Variants in CFAP107 observed in about 807,000 individuals in gnomAD.
CFAP107 encodes the protein cilia- and flagella-associated protein 107.
the CFAP107 span, among the ~76,000 whole-genome samples, chr1:12,758,143 A>G: frequency 1.3e-5 from 2 of 152,124 alleles, no homozygotes; most frequent in South Asian, 2.1e-4. Flanking sequence ...CCAGAGACCA[A>G]TGCTGGTTCT....
At chr1:12,747,730 G>T in the CFAP107 span, among the ~76,000 whole-genome samples, 1 of 152,188 alleles carries the variant, frequency 6.6e-6, no homozygotes, top group Non-Finnish European at 1.5e-5. Flanking sequence ...GCCTTGTTTG[G>T]TGAGCAGGTG....
the CFAP107 span, chr1:12,759,333 C>T: frequency 6.2e-7 from 1 of 1,614,078 alleles, no homozygotes; most frequent in African/African-American, 1.3e-5. Context: ...AACACCTGAT[C>T]ACCCACCACC....
chr1:12,759,480 C>T, the CFAP107 span: 1 of 1,614,102 alleles, frequency 6.2e-7, no homozygotes. Context: ...CTGACTTTCC[C>T]CTTCTTGGTA....
the CFAP107 span, among the ~76,000 whole-genome samples, chr1:12,757,676 G>A: frequency 6.6e-6 from 1 of 152,102 alleles, no homozygotes; most frequent in Non-Finnish European, 1.5e-5. Context: ...GTGAGCCACG[G>A]CACCTGGCCC....
At chr1:12,754,041 CA>C in the CFAP107 span, 2 of 152,014 alleles carry the variant, frequency 1.3e-5, no homozygotes, top group Admixed American at 6.6e-5. Flanking sequence ...GTCATCAAAA[CA>C]AAAAACTTTG....
chr1:12,748,217 G>T, the CFAP107 span, among the ~76,000 whole-genome samples: 6 of 151,950 alleles, frequency 3.9e-5, no homozygotes, highest in Admixed American at 6.6e-5. Context: ...TCTCTATTTC[G>T]TCTAACTTGG....
chr1:12,763,152 C>G, the CFAP107 span: 1 of 152,174 alleles, frequency 6.6e-6, no homozygotes, highest in Non-Finnish European at 1.5e-5. Context: ...TACCACTGCA[C>G]TCCAGCCTTG....
chr1:12,755,474 C>T, the CFAP107 span, among the ~76,000 whole-genome samples: 2 of 151,828 alleles, frequency 1.3e-5, no homozygotes, highest in Admixed American at 6.6e-5. Context: ...GACACAGGTG[C>T]GGATGATGAG....
At chr1:12,758,165 C>G in the CFAP107 span, among the ~76,000 whole-genome samples, 1 of 152,096 alleles carries the variant, frequency 6.6e-6, no homozygotes, top group Non-Finnish European at 1.5e-5. Context: ...CCTGATGTGG[C>G]CCTGCAGGGC....
At chr1:12,752,978 T>A in the CFAP107 span, among the ~76,000 whole-genome samples, 6 of 152,314 alleles carry the variant, frequency 3.9e-5, no homozygotes, top group African/African-American at 1.4e-4. Flanking sequence ...TGATTTTATA[T>A]ATAGGAAACA....
the CFAP107 span, among the ~76,000 whole-genome samples, chr1:12,752,074 T>C: frequency 3.1e-3 from 470 of 152,302 alleles, 5 homozygotes; most frequent in African/African-American, 0.011. Flanking sequence ...GCTTCCAGAA[T>C]ATTGAAGAGG....
At chr1:12,751,704 T>A in the CFAP107 span, among the ~76,000 whole-genome samples, 3 of 152,086 alleles carry the variant, frequency 2.0e-5, no homozygotes, top group South Asian at 2.1e-4. Flanking sequence ...AATGATTATC[T>A]ATATTGACTA....
the CFAP107 span, chr1:12,761,334 G>A: frequency 6.1e-6 from 1 of 163,082 alleles, no homozygotes; most frequent in South Asian, 2.0e-4. Context: ...ATCTGATGAT[G>A]AAACCCATCA....
At chr1:12,763,297 G>C in the CFAP107 span, 1 of 152,106 alleles carries the variant, frequency 6.6e-6, no homozygotes, top group African/African-American at 2.4e-5. Flanking sequence ...ATTTATGTTG[G>C]GCCACATTCA....
the CFAP107 span, chr1:12,759,715 CCCATGGTGGCG>C: frequency 6.6e-6 from 4 of 603,738 alleles, no homozygotes; most frequent in Admixed American, 2.6e-5. Flanking sequence ...TCACCTGTGC[CCCATGGTGGCG>C]GGCTTAGAGC....
the CFAP107 span, among the ~76,000 whole-genome samples, chr1:12,758,318 T>G: frequency 6.6e-6 from 1 of 152,180 alleles, no homozygotes; most frequent in Non-Finnish European, 1.5e-5. Flanking sequence ...CAAGAGAAAC[T>G]GCAAGAAAAT....
chr1:12,759,456 G>A, the CFAP107 span: 1 of 1,614,150 alleles, frequency 6.2e-7, no homozygotes, highest in Non-Finnish European at 8.5e-7. Flanking sequence ...AGTTGCTGTG[G>A]CTGCCAGAGA....
At chr1:12,758,953 A>C in the CFAP107 span, among the ~76,000 whole-genome samples, 1 of 152,134 alleles carries the variant, frequency 6.6e-6, no homozygotes, top group Non-Finnish European at 1.5e-5. Flanking sequence ...ATGAGACTTG[A>C]GACAAATCAG....
chr1:12,747,373 T>A, the CFAP107 span, among the ~76,000 whole-genome samples: 11 of 152,118 alleles, frequency 7.2e-5, no homozygotes, highest in Admixed American at 1.3e-4. Context: ...CTGGCCTCAA[T>A]TTTTGCTTTC....
Sources: allele counts gnomAD v4.1 joint callset (sites outside exome capture counted in the v4.1 genomes callset), GRCh38; gene constraint gnomAD v4.1.1; transcripts MANE v1.5; gene names NCBI Gene and HGNC (gene_info 2026-07-23, HGNC 2026-07-21).